BCL11A: variants seen among roughly 807,000 people sequenced by gnomAD.
BCL11A encodes the protein B cell CLL/lymphoma 11A.
Under a neutral mutation model 55.9 loss-of-function variants are expected in BCL11A, and 2 were observed. The ratio of observed to expected loss-of-function variants is 0.04; its 90% CI spans 0.01 to 0.11. The LOEUF (loss-of-function observed/expected upper bound fraction) is 0.11. Among genes scored for constraint, BCL11A ranks in the 10% least tolerant of loss-of-function variants. The probability of loss-of-function intolerance (pLI) is 1.00; values close to 1 mark genes in which losing one functional copy is unlikely to be tolerated. For synonymous variants in BCL11A, 465 were observed against 473.4 expected (o/e 0.98, Z 0.23); for missense variants, 817 against 1,137.1 (o/e 0.72, Z 4.05).
chr2:60,463,302 G>A (rs544029928), intron 3 of BCL11A, among the ~76,000 whole-genome samples: 44 of 152,348 alleles, frequency 2.9e-4, no homozygotes, highest in Non-Finnish European at 5.0e-4. Context: ...GACTTAAGCA[G>A]ACACAGCATC....
Position 60,460,060 on chromosome 2 carries a change from AC to A in BCL11A, c.*343del, listed in dbSNP as rs1345444079. 43 of 1,092,240 alleles carry A rather than the reference AC, an allele frequency of 3.9e-5. No individual in the cohort carries two copies. The highest frequency in any genetic ancestry group is 4.3e-5 in the Non-Finnish European group (39 of 897,662). 67.7% of individuals were successfully genotyped at this position (1,092,240 alleles called of 1,614,324 possible). A position where few individuals can be genotyped will look rare whatever the true frequency, so the allele number is the denominator to read the frequency against. On this transcript the variant is annotated 3_prime_UTR_variant, in exon 4 of 4. Coordinates refer to ENST00000642384, the MANE Select transcript of BCL11A (RefSeq NM_022893.4). ...ACATGCTGTCTAAGTTTAAAAAAAA[AC>A]ATACACAACATGTAAATTATTGCAC...
intron 3 of BCL11A, among the ~76,000 whole-genome samples, chr2:60,468,228 A>T (rs1259757462): frequency 6.6e-6 from 1 of 152,108 alleles, no homozygotes; most frequent in Admixed American, 6.5e-5. Flanking sequence ...AAATTAGTCA[A>T]AATTATGTGT....
rs1573032663 is a variant in BCL11A at position 60,510,677 on chromosome 2, T to C, written c.385+35294A>G. On this transcript the variant is annotated intron_variant, in intron 2 of 3. Transcript: ENST00000642384. ...CCAACACCAAGAACCGTTCCCAGCA[T>C]GTGGCAGGTGTTCAAAATATTTGTT... Among the ~76,000 whole-genome samples the C allele has an allele frequency of 2.0e-5, 3 of 152,228 alleles. No homozygotes were observed. The South Asian group carries it at 6.2e-4, about 32-fold the overall frequency.
chr2:60,484,678 A>G (rs1239556276), intron 2 of BCL11A, among the ~76,000 whole-genome samples: 2 of 151,598 alleles, frequency 1.3e-5, no homozygotes, highest in Non-Finnish European at 2.9e-5. Flanking sequence ...GAGAAGGGGG[A>G]ATTTGGAGGG....
At chr2:60,482,998 A>G (rs1015361649) in intron 2 of BCL11A, among the ~76,000 whole-genome samples, 3 of 152,260 alleles carry the variant, frequency 2.0e-5, no homozygotes, top group South Asian at 2.1e-4. Flanking sequence ...TTGCTGATAA[A>G]TGCTCAAAAT....
At chr2:60,521,109 A>T (rs1203037429) in intron 2 of BCL11A, among the ~76,000 whole-genome samples, 5 of 149,024 alleles carry the variant, frequency 3.4e-5, no homozygotes, top group Admixed American at 2.0e-4. Flanking sequence ...ACTCACACAC[A>T]CACACACACA....
In BCL11A at chr2:60,458,774, T is replaced by C. The variant is rs1572945791; in HGVS notation, c.*1630A>G. On this transcript the variant is annotated 3_prime_UTR_variant, in exon 4 of 4. Transcript: ENST00000642384. ...ATTTTATACTCAACCTCTGTATCTC[T>C]GATTAGAGAAAAGATACAGATATCA... is the stretch of plus-strand genomic sequence containing the variant. The C allele has an allele frequency of 9.7e-7, 1 of 1,031,424 alleles. No homozygotes were observed. Among genetic ancestry groups the C allele is most frequent in the Non-Finnish European group, 1.2e-6 (1 of 857,008 alleles). 63.9% of individuals were successfully genotyped at this position (1,031,424 alleles called of 1,614,324 possible).
At chr2:60,467,106 TG>T in intron 3 of BCL11A, among the ~76,000 whole-genome samples, 1 of 149,192 alleles carries the variant, frequency 6.7e-6, no homozygotes, top group East Asian at 2.0e-4. Context: ...ATGATGGTGG[TG>T]GTAGTGGTGG....
chr2:60,468,946 C>G, intron 2 of BCL11A, 113 bp from the exon 3 acceptor site: 3 of 663,674 alleles, frequency 4.5e-6, no homozygotes, highest in Non-Finnish European at 7.8e-6. Context: ...TTACAACAGC[C>G]TTGCAGATAG....
At chr2:60,526,610 G>T (rs945684173) in intron 2 of BCL11A, 1 of 152,210 alleles carries the variant, frequency 6.6e-6, no homozygotes, top group Non-Finnish European at 1.5e-5. Context: ...TTAGCCCAAA[G>T]ATAGTGTAAT....
intron 2 of BCL11A, chr2:60,537,445 A>G (rs1242373348): frequency 6.6e-6 from 1 of 152,236 alleles, no homozygotes; most frequent in African/African-American, 2.4e-5. Context: ...CTAAATGTAA[A>G]TAAATCATAA....
intron 3 of BCL11A, among the ~76,000 whole-genome samples, chr2:60,467,729 ATGGTGGTGGTGGTAGTGATGGTGG>A (rs1676870973): frequency 2.5e-5 from 1 of 39,654 alleles, no homozygotes; most frequent in East Asian, 7.2e-4. Context: ...ACTGGTGGTG[ATGGTGGTGGTGGTAGTGATGGTGG>A]TGGTAATGGT....
Position 60,461,094 on chromosome 2 carries a change from G to A in BCL11A, c.1818C>T (p.Gly606=). 6.2e-7 allele frequency: 1 copy of A among 1,602,864 alleles called. No homozygotes were observed. The highest frequency in any genetic ancestry group is 8.5e-7 in the Non-Finnish European group (1 of 1,174,114). The change falls in exon 4 of 4, where the codon GGC becomes GGT. Residue 606 remains glycine, a synonymous_variant. Coordinates refer to ENST00000642384, the MANE Select transcript of BCL11A (RefSeq NM_022893.4). ...RIDDGTVNGR[G]CSPGESASGG... ...CCGAGGCCGACTCGCCCGGGGAGCA[G>A]CCGCGGCCATTAACAGTGCCATCGT...
chr2:60,491,104 A>C (rs1678601944), intron 2 of BCL11A, among the ~76,000 whole-genome samples: 1 of 152,222 alleles, frequency 6.6e-6, no homozygotes, highest in African/African-American at 2.4e-5. Context: ...CAGAGTTACC[A>C]AAAAATGACA....
In BCL11A at chr2:60,462,440, ACAC is replaced by A. The variant is rs1373629433; in HGVS notation, c.488-19_488-17del. The A allele has an allele frequency of 6.4e-7, 1 of 1,574,456 alleles. No individual in the cohort carries two copies. Among genetic ancestry groups the A allele is most frequent in the African/African-American group, 1.4e-5 (1 of 73,634 alleles). On this transcript the variant is annotated splice_polypyrimidine_tract_variant and intron_variant, in intron 3 of 3. Coordinates refer to ENST00000642384, the MANE Select transcript of BCL11A (RefSeq NM_022893.4). Reference sequence around the variant, plus strand: ...TCATCTTTACCTGCAAAATAATACAACACCAACATCAATGTTTAATCACTGAGG... The same window carrying A: ...TCATCTTTACCTGCAAAATAATACAACAACATCAATGTTTAATCACTGAGG...
rs779880572 is a variant in BCL11A, at chr2:60,500,545, GACT to G, written c.386-31715_386-31713del. Among the ~76,000 whole-genome samples the G allele has an allele frequency of 3.2e-4, 49 of 152,244 alleles. No individual in the cohort carries two copies. In the East Asian group the frequency reaches 6.6e-3, roughly 20 times the overall value. On this transcript the variant is annotated intron_variant, in intron 2 of 3. Coordinates refer to ENST00000642384, the MANE Select transcript of BCL11A (RefSeq NM_022893.4). ...GAAAAAATGGCAGAAGAATGGAAGGGACTACGTGTATTGATGGAATAAACCAGA... is the reference window on the plus strand; with the variant it reads ...GAAAAAATGGCAGAAGAATGGAAGGGACGTGTATTGATGGAATAAACCAGA...
downstream of BCL11A, among the ~76,000 whole-genome samples, chr2:60,455,671 C>A (rs1675907212): frequency 6.6e-6 from 1 of 152,142 alleles, no homozygotes; most frequent in African/African-American, 2.4e-5. Flanking sequence ...GATGCAAAAC[C>A]TAATTACGCT....
At chr2:60,520,668 A>G (rs1433857089) in intron 2 of BCL11A, among the ~76,000 whole-genome samples, 1 of 152,204 alleles carries the variant, frequency 6.6e-6, no homozygotes, top group African/African-American at 2.4e-5. Flanking sequence ...CAACCACAGA[A>G]GCACCAAGGA....
intron 2 of BCL11A, among the ~76,000 whole-genome samples, chr2:60,518,658 C>A (rs558452600): frequency 2.0e-5 from 3 of 152,290 alleles, no homozygotes; most frequent in Non-Finnish European, 4.4e-5. Context: ...ACAAACCCAG[C>A]AGAGAACGTT....
Sources: gnomAD v4.1 joint callset for allele counts (sites outside exome capture counted in the v4.1 genomes callset) on GRCh38, gnomAD v4.1.1 for gene constraint, MANE v1.5 for transcripts, NCBI Gene and HGNC (gene_info 2026-07-23, HGNC 2026-07-21) for gene names.